The following JAKMIP3 variants were observed in gnomAD, a reference collection of about 807,000 sequenced individuals.
JAKMIP3 encodes the protein janus kinase and microtubule-interacting protein 3.
JAKMIP3 carries 58 observed loss-of-function variants against 118.5 expected under a neutral mutation model. That is an observed-to-expected ratio of 0.49 (90% CI 0.40 to 0.61). JAKMIP3 has a LOEUF of 0.61. Among genes scored for constraint, JAKMIP3 ranks in the 20% least tolerant of loss-of-function variants. The pLI is 0.00. For synonymous variants in JAKMIP3, 486 were observed against 451.2 expected (o/e 1.08, Z -0.98); for missense variants, 950 against 1,109.0 (o/e 0.86, Z 2.04).
In JAKMIP3 at chr10:132,180,694, T is replaced by TGC. The variant is rs1378439685; in HGVS notation, c.*1104-1661_*1104-1660dup. On this transcript the variant is annotated intron_variant, in intron 23 of 23. Transcript: ENST00000684848. ...GTGTGTGCGCGCGCGTGTGTGTGCG[T>TGC]GCGTGTGTGTGTGCGCGTGTGTGTG... Among the ~76,000 whole-genome samples, 4 of 16,900 alleles carry TGC rather than the reference T, an allele frequency of 2.4e-4. 1 individual carries two copies. The highest frequency in any genetic ancestry group is 9.8e-4 in the African/African-American group (4 of 4,090). The allele number at this position is 16,900 out of a possible 152,430, so 11.1% of individuals were successfully genotyped here. A position where few individuals can be genotyped will look rare whatever the true frequency, so the allele number is the denominator to read the frequency against.
intron 17 of JAKMIP3, among the ~76,000 whole-genome samples, chr10:132,153,302 TTC>T (rs2056551830): frequency 6.6e-6 from 1 of 152,206 alleles, no homozygotes; most frequent in Non-Finnish European, 1.5e-5. Context: ...GCAGGCAGCG[TTC>T]TCTGTTCAAC....
chr10:132,136,153 GATTTA>G, intron 6 of JAKMIP3, 77 bp downstream of exon 6: 1 of 1,493,784 alleles, frequency 6.7e-7, no homozygotes, highest in South Asian at 1.2e-5. Context: ...CTCCACGCAA[GATTTA>G]GCATGACAGC....
At chr10:132,052,690 G>A (rs1429122322) in intron 1 of JAKMIP3, among the ~76,000 whole-genome samples, 4 of 152,168 alleles carry the variant, frequency 2.6e-5, no homozygotes, top group Non-Finnish European at 4.4e-5. Flanking sequence ...TGTGCCTTTT[G>A]TTTTAATTTA....
chr10:132,116,931 G>A (rs1035585897), intron 2 of JAKMIP3, 146 bp from the exon 3 acceptor site: 34 of 858,344 alleles, frequency 4.0e-5, no homozygotes, highest in Non-Finnish European at 5.1e-5. Context: ...ATTCAGGTGT[G>A]AGTGTGTGCA....
chr10:132,167,344 C>T lies in JAKMIP3; in HGVS notation c.*22+289C>T, dbSNP rs2059012501. Among the ~76,000 whole-genome samples the T allele has an allele frequency of 1.3e-5, 2 of 152,226 alleles. 1 individual carries two copies. The highest frequency in any genetic ancestry group is 4.1e-4 in the South Asian group (2 of 4,830). On this transcript the variant is annotated intron_variant, in intron 22 of 23. Transcript: ENST00000684848. ...CACCACCACCCCAGTGTAGCAGAAA[C>T]ATGCAGGACCCTCTCTAGGGGGTCT...
At chr10:132,039,783 C>T (rs970237390) in intron 1 of JAKMIP3, among the ~76,000 whole-genome samples, 5 of 152,356 alleles carry the variant, frequency 3.3e-5, no homozygotes, top group South Asian at 2.1e-4. Flanking sequence ...GGCCTCCAGC[C>T]GCTGTATTGA....
intron 1 of JAKMIP3, among the ~76,000 whole-genome samples, chr10:132,104,034 CT>C (rs1345027046): frequency 2.0e-5 from 3 of 152,224 alleles, no homozygotes; most frequent in Non-Finnish European, 2.9e-5. Context: ...AGGGATCCTC[CT>C]GTCATAGCGT....
chr10:132,154,266 A>G (rs6560685), intron 19 of JAKMIP3, among the ~76,000 whole-genome samples: 115,353 of 152,176 alleles, frequency 0.76, 43,916 homozygotes, highest in East Asian at 0.94. Context: ...AGGTCACTCA[A>G]GCACAGAAAC....
chr10:132,038,790 C>CAA lies in JAKMIP3; in HGVS notation c.-138+2071_-138+2072dup, dbSNP rs58917363. Reference sequence around the variant, plus strand: ...CCTGGGCAACAGAATGAGACTGTCTCAAAAAAAAAAAAAAAAAAAACCATC... The same window carrying CAA: ...CCTGGGCAACAGAATGAGACTGTCTCAAAAAAAAAAAAAAAAAAAAAACCATC... On this transcript the variant is annotated intron_variant, in intron 1 of 23. Coordinates refer to the JAKMIP3 transcript ENST00000657785. 3.4e-3 allele frequency among the ~76,000 whole-genome samples: 420 copies of CAA among 124,718 alleles called. 2 individuals are homozygous for CAA. The highest frequency in any genetic ancestry group is 9.7e-3 in the African/African-American group (329 of 33,770). The allele number at this position is 124,718 out of a possible 152,430, so 81.8% of individuals were successfully genotyped here. A position where few individuals can be genotyped will look rare whatever the true frequency, so the allele number is the denominator to read the frequency against.
intron 1 of JAKMIP3, among the ~76,000 whole-genome samples, chr10:132,097,109 T>C (rs1299453425): frequency 7.9e-5 from 12 of 152,198 alleles, no homozygotes; most frequent in Non-Finnish European, 7.3e-5. Context: ...ACGTTAGAAA[T>C]GGCACCACCA....
At chr10:132,154,462 A>G (rs565876720) in intron 19 of JAKMIP3, among the ~76,000 whole-genome samples, 1 of 152,316 alleles carries the variant, frequency 6.6e-6, no homozygotes, top group South Asian at 2.1e-4. Flanking sequence ...TTCTAGGTTG[A>G]AAACTAGGCT....
intron 1 of JAKMIP3, among the ~76,000 whole-genome samples, chr10:132,073,971 C>A (rs763920045): frequency 1.5e-4 from 23 of 150,930 alleles, no homozygotes; most frequent in Non-Finnish European, 3.2e-4. Flanking sequence ...AGAGGTTGTA[C>A]TAATTTACAT....
chr10:132,141,023 A>G (rs1324548663), intron 10 of JAKMIP3, among the ~76,000 whole-genome samples: 1 of 152,190 alleles, frequency 6.6e-6, no homozygotes, highest in African/African-American at 2.4e-5. Flanking sequence ...ATAACAGCAC[A>G]GGTGTGTCTG....
chr10:132,048,932 G>A (rs1026782248), intron 1 of JAKMIP3, among the ~76,000 whole-genome samples: 2 of 152,004 alleles, frequency 1.3e-5, no homozygotes, highest in Non-Finnish European at 2.9e-5. Flanking sequence ...GAGCCACCGC[G>A]CCCGGCCTGG....
At chr10:132,105,889 G>T (rs902089442) in intron 2 of JAKMIP3, among the ~76,000 whole-genome samples, 7 of 151,354 alleles carry the variant, frequency 4.6e-5, no homozygotes, top group African/African-American at 1.7e-4. Context: ...CTTGGGACCT[G>T]CATGGTCTGG....
intron 19 of JAKMIP3, among the ~76,000 whole-genome samples, 174 bp downstream of exon 19, chr10:132,154,164 G>C (rs1159060261): frequency 6.6e-6 from 1 of 152,224 alleles, no homozygotes; most frequent in East Asian, 1.9e-4. Flanking sequence ...TGCCTGATGG[G>C]GTCTTCACTT....
At chr10:132,087,281 A>G (rs2042519692) in intron 1 of JAKMIP3, among the ~76,000 whole-genome samples, 2 of 152,302 alleles carry the variant, frequency 1.3e-5, no homozygotes, top group South Asian at 2.1e-4. Flanking sequence ...TTTGCCTCAT[A>G]GCTCTTAAGA....
At chr10:132,070,642 C>T (rs768159071) in intron 1 of JAKMIP3, among the ~76,000 whole-genome samples, 8 of 152,124 alleles carry the variant, frequency 5.3e-5, no homozygotes, top group Non-Finnish European at 8.8e-5. Flanking sequence ...GTCCAGCTTC[C>T]GAAACAGACC....
intron 19 of JAKMIP3, among the ~76,000 whole-genome samples, chr10:132,159,825 G>GTA (rs1418585147): frequency 1.7e-5 from 1 of 58,766 alleles, no homozygotes; most frequent in Non-Finnish European, 2.8e-5. Flanking sequence ...ATGCTGGGGG[G>GTA]CCTCTCCCTG....
Sources: gnomAD v4.1 joint callset for allele counts (sites outside exome capture counted in the v4.1 genomes callset) on GRCh38, gnomAD v4.1.1 for gene constraint, MANE v1.5 for transcripts, NCBI Gene and HGNC (gene_info 2026-07-23, HGNC 2026-07-21) for gene names.